Variants in GAS7 observed in about 807,000 individuals in gnomAD.
GAS7 encodes the protein growth arrest specific 7, also known as growth arrest-specific protein 7.
A neutral mutation model predicts 71.1 loss-of-function variants in GAS7; 28 were observed. The observed-to-expected ratio is 0.39, with a 90% CI of 0.29 to 0.54. GAS7 has a LOEUF of 0.54. GAS7 is among the 20% of genes least tolerant of loss of function. The pLI is 0.62. For synonymous variants in GAS7, 258 were observed against 245.8 expected, an observed-to-expected ratio of 1.05 and a Z score of -0.46; for missense variants, 436 against 627.8, an observed-to-expected ratio of 0.69 and a Z score of 3.27.
In GAS7 at chr17:9,969,690, G is replaced by C. The variant is rs780484695; in HGVS notation, c.458C>G (p.Thr153Ser). The C allele has an allele frequency of 1.9e-6, 3 of 1,606,146 alleles. No individual in the cohort carries two copies. Among genetic ancestry groups the C allele is most frequent in the Non-Finnish European group, 1.7e-6 (2 of 1,172,696 alleles). ...ETAHMSVRKS[T>S]GDSQNLGSSS... Reference sequence around the variant, plus strand: ...AGGACCCCTTACCTGGGAATCACCGGTGGATTTTCGGACACTCATGTGGGC... The same window carrying C: ...AGGACCCCTTACCTGGGAATCACCGCTGGATTTTCGGACACTCATGTGGGC... Residue 153 changes from threonine (T) to serine (S), a missense_variant, in exon 4 of 14, where the codon ACC becomes AGC. Physicochemically the swap from Thr to Ser is moderately conservative, Grantham distance 58 (BLOSUM62 1). Transcript: ENST00000432992. This position sits in a 1 kb window ranked among gnomAD's most constrained non-coding sequence, Gnocchi z 5.5.
rs11651894 is a variant in GAS7 at position 9,926,364 on chromosome 17, G to A, written c.1014+277C>T. Among the ~76,000 whole-genome samples the A allele has an allele frequency of 0.12, 17,566 of 152,124 alleles. 1,084 individuals are homozygous for A. The highest frequency in any genetic ancestry group is 0.14 in the South Asian group (691 of 4,812). On this transcript the variant is annotated intron_variant, in intron 10 of 13. Transcript: ENST00000432992. The surrounding 1 kb of genome is among the most constrained non-coding windows in gnomAD (Gnocchi z 5.0). ...TGCTAGGCTCGGGGTTTAACTGGTC[G>A]CCAACAGCCACTCGACTGCCCACTG...
rs1409860844 is a variant in GAS7 at position 10,121,156 on chromosome 17, G to A, written c.183+77052C>T. 4.6e-5 allele frequency among the ~76,000 whole-genome samples: 7 copies of A among 152,338 alleles called. No individual in the cohort carries two copies. The East Asian group carries it at 1.4e-3, about 29-fold the overall frequency. On this transcript the variant is annotated intron_variant, in intron 1 of 13. Coordinates refer to ENST00000432992, the MANE Select transcript of GAS7 (RefSeq NM_201433.2). ...AGCACTTTGCGAGGCCGAGGAGGGT[G>A]GATCACCTGAGGTCGGGAGTTTGAG... is the stretch of plus-strand genomic sequence containing the variant.
In GAS7 at chr17:10,135,484, C is replaced by A. The variant is rs191156396; in HGVS notation, c.183+62724G>T. Among the ~76,000 whole-genome samples the A allele has an allele frequency of 3.0e-3, 455 of 152,306 alleles. 6 individuals are homozygous for A. Among genetic ancestry groups the A allele is most frequent in the African/African-American group, 0.01 (426 of 41,570 alleles). On this transcript the variant is annotated intron_variant, in intron 1 of 13. Coordinates refer to ENST00000432992, the MANE Select transcript of GAS7 (RefSeq NM_201433.2). ...CACCAGAAAGTCCAGGGACTGAGCC[C>A]GCCCGAGAGATTTCTCTTCGATTAA... is the stretch of plus-strand genomic sequence containing the variant.
At chr17:10,003,253 G>T (rs971541440) in intron 2 of GAS7, among the ~76,000 whole-genome samples, 2 of 152,192 alleles carry the variant, frequency 1.3e-5, no homozygotes, top group African/African-American at 4.8e-5. Context: ...GAGACCGCAG[G>T]TGTCTGGCAT....
At chr17:10,081,970 A>G (rs1024806673) in intron 1 of GAS7, among the ~76,000 whole-genome samples, 3 of 152,212 alleles carry the variant, frequency 2.0e-5, no homozygotes, top group Admixed American at 1.3e-4. Context: ...TAAGCATTAC[A>G]CCATTGCTTA....
chr17:9,922,360 A>G (rs577638413), intron 11 of GAS7, among the ~76,000 whole-genome samples: 1 of 152,354 alleles, frequency 6.6e-6, no homozygotes, highest in East Asian at 1.9e-4. Context: ...CGACAAGCAG[A>G]GTCTCTGGAA....
Position 10,019,779 on chromosome 17 carries a change from T to A in GAS7, c.302A>T (p.Asn101Ile). The change falls in exon 2 of 14, where the codon AAT becomes ATT. Residue 101 changes from asparagine (N) to isoleucine (I), a missense_variant and splice_region_variant. By Grantham distance (149) the Asn-to-Ile change is moderately radical (BLOSUM62 -3). Transcript: ENST00000432992. ...GRRYYVNTTT[N>I]ETTWERPSSS... is the part of the protein sequence containing the mutation. ...ATTCTCCCCCGAGCGGGACTCACCA[T>A]TGGTGGTCGTGTTGACATAGTACCG... 6.2e-7 allele frequency: 1 copy of A among 1,613,548 alleles called. No homozygotes were observed. The highest frequency in any genetic ancestry group is 8.5e-7 in the Non-Finnish European group (1 of 1,179,752).
chr17:9,912,606 G>A lies in GAS7; in HGVS notation c.*4622C>T. On this transcript the variant is annotated 3_prime_UTR_variant, in exon 14 of 14. Transcript: ENST00000432992. ...TGCAGCAGACGTGAGCAGCAATTGAGCACCCATCCGTCCCTTCCCCTCCCA... is the reference window on the plus strand; with the variant it reads ...TGCAGCAGACGTGAGCAGCAATTGAACACCCATCCGTCCCTTCCCCTCCCA... 4.3e-6 allele frequency: 1 copy of A among 232,970 alleles called. No homozygotes were observed. The highest frequency in any genetic ancestry group is 1.8e-4 in the South Asian group (1 of 5,524). The allele number at this position is 232,970 out of a possible 1,614,324, so 14.4% of individuals were successfully genotyped here.
intron 1 of GAS7, among the ~76,000 whole-genome samples, chr17:10,112,257 T>G (rs1402273820): frequency 1.3e-5 from 2 of 152,186 alleles, no homozygotes; most frequent in Admixed American, 1.3e-4. Flanking sequence ...CAGCGAGGGA[T>G]GCTTTCCAGG....
chr17:10,176,152 T>G (rs929082564), intron 1 of GAS7, among the ~76,000 whole-genome samples: 2 of 152,228 alleles, frequency 1.3e-5, no homozygotes, highest in Non-Finnish European at 2.9e-5. Flanking sequence ...ACAGAGCTCT[T>G]ACTGCAAATG....
chr17:10,144,530 T>A (rs1284782435), intron 1 of GAS7, among the ~76,000 whole-genome samples: 2 of 152,130 alleles, frequency 1.3e-5, no homozygotes, highest in South Asian at 4.2e-4. Context: ...TCCTTTTCTG[T>A]GGATGTTAAT....
intron 1 of GAS7, among the ~76,000 whole-genome samples, chr17:10,084,490 A>G (rs1166564841): frequency 6.6e-6 from 1 of 151,866 alleles, no homozygotes. Context: ...TTTTGAGACA[A>G]AGTCTCGCTC....
At chr17:10,162,840 G>A (rs1034867972) in intron 1 of GAS7, among the ~76,000 whole-genome samples, 7 of 152,280 alleles carry the variant, frequency 4.6e-5, no homozygotes, top group East Asian at 1.9e-4. Context: ...AGGGGCTGGC[G>A]GGGAGAGGGA....
rs141028818 is a variant in GAS7 at position 10,125,453 on chromosome 17, G to A, written c.183+72755C>T. On this transcript the variant is annotated intron_variant, in intron 1 of 13. Transcript: ENST00000432992. ...AATCGCTTGAACATGGGAGGCAGATGTTGCTGTGAGCCAAGATGGTGCCAT... is the reference window on the plus strand; with the variant it reads ...AATCGCTTGAACATGGGAGGCAGATATTGCTGTGAGCCAAGATGGTGCCAT... 9.0e-3 allele frequency among the ~76,000 whole-genome samples: 1,325 copies of A among 146,974 alleles called. 18 individuals are homozygous for A. The highest frequency in any genetic ancestry group is 0.03 in the African/African-American group (1,219 of 40,226).
At chr17:9,995,743 C>G (rs570128640) in intron 2 of GAS7, among the ~76,000 whole-genome samples, 1 of 152,120 alleles carries the variant, frequency 6.6e-6, no homozygotes, top group Non-Finnish European at 1.5e-5. Context: ...CCCAAATGCA[C>G]GTGTCTTTTG....
chr17:10,024,845 C>T (rs1453752142), intron 1 of GAS7, among the ~76,000 whole-genome samples: 1 of 152,216 alleles, frequency 6.6e-6, no homozygotes, highest in Non-Finnish European at 1.5e-5. Flanking sequence ...TTCTACACTA[C>T]TTCAGAACCC....
chr17:10,153,870 C>T (rs1195892520), intron 1 of GAS7, among the ~76,000 whole-genome samples: 1 of 151,996 alleles, frequency 6.6e-6, no homozygotes, highest in Non-Finnish European at 1.5e-5. Context: ...AGTTCAAGAC[C>T]GGCCTGGGCA....
chr17:10,109,729 G>A (rs1246903040), intron 1 of GAS7, among the ~76,000 whole-genome samples: 1 of 152,196 alleles, frequency 6.6e-6, no homozygotes, highest in Non-Finnish European at 1.5e-5. Flanking sequence ...GACCAGCCTG[G>A]CCAACATAGC....
rs546830474 is a variant in GAS7, at chr17:10,132,711, T to A, written c.183+65497A>T. Among the ~76,000 whole-genome samples the A allele has an allele frequency of 1.1e-4, 17 of 152,130 alleles. No individual in the cohort carries two copies. The South Asian group carries it at 3.5e-3, about 32-fold the overall frequency. On this transcript the variant is annotated intron_variant, in intron 1 of 13. Transcript: ENST00000432992. ...TGAACCCAGGAGGCGGAGGGTGCAG[T>A]GAGCCAAGATTGTACCAGTCTGGGC...
Sources: allele counts gnomAD v4.1 joint callset (sites outside exome capture counted in the v4.1 genomes callset), GRCh38; gene constraint gnomAD v4.1.1; non-coding constraint Gnocchi (gnomAD v3.1); transcripts MANE v1.5; gene names NCBI Gene and HGNC (gene_info 2026-07-23, HGNC 2026-07-21).